The following SLC24A2 variants were observed in gnomAD, a reference collection of about 807,000 sequenced individuals.
SLC24A2 encodes sodium/potassium/calcium exchanger 2.
SLC24A2 carries 36 observed loss-of-function variants against 62.0 expected under a neutral mutation model. That is an observed-to-expected ratio of 0.58 (90% CI 0.44 to 0.77). SLC24A2 has a LOEUF of 0.77. SLC24A2 is among the 30% of genes least tolerant of loss of function. The pLI is 0.00. For missense variants in SLC24A2, 846 were observed against 817.9 expected (o/e 1.03, Z -0.42); for synonymous variants, 358 against 294.0 (o/e 1.22, Z -2.23).
the SLC24A2 span, among the ~76,000 whole-genome samples, chr9:20,112,920 T>A: frequency 6.6e-6 from 1 of 151,910 alleles, no homozygotes; most frequent in Non-Finnish European, 1.5e-5. Context: ...AACGTCAGAC[T>A]AACAATCATG....
At chr9:19,577,605 G>C (rs905343141) in intron 5 of SLC24A2, among the ~76,000 whole-genome samples, 9 of 152,194 alleles carry the variant, frequency 5.9e-5, no homozygotes, top group Middle Eastern at 3.4e-3. Context: ...TTCCAAATTA[G>C]CTGAGTCAGC....
rs1319236028 is a variant in SLC24A2, at chr9:19,509,203, T to A, written c.*6950A>T. ...GATTCCTGAAAAAAATCTACAATTTTAAAATAATTTCCATGTAGTATTAGA... is the reference window on the plus strand; with the variant it reads ...GATTCCTGAAAAAAATCTACAATTTAAAAATAATTTCCATGTAGTATTAGA... On this transcript the variant is annotated 3_prime_UTR_variant, in exon 11 of 11. Coordinates refer to ENST00000341998, the MANE Select transcript of SLC24A2 (RefSeq NM_020344.4). The A allele has an allele frequency of 2.0e-5, 3 of 152,210 alleles. No homozygotes were observed. Among genetic ancestry groups the A allele is most frequent in the South Asian group, 2.1e-4 (1 of 4,828 alleles). The allele number at this position is 152,210 out of a possible 1,614,324, so 9.4% of individuals were successfully genotyped here. A position where few individuals can be genotyped will look rare whatever the true frequency, so the allele number is the denominator to read the frequency against.
At chr9:19,628,498 C>G (rs760867447) in intron 2 of SLC24A2, among the ~76,000 whole-genome samples, 2 of 152,198 alleles carry the variant, frequency 1.3e-5, no homozygotes, top group Non-Finnish European at 2.9e-5. Flanking sequence ...CCTGCTATCT[C>G]TTGCCTTCCC....
At chr9:20,120,034 C>A in the SLC24A2 span, among the ~76,000 whole-genome samples, 1 of 152,114 alleles carries the variant, frequency 6.6e-6, no homozygotes, top group Non-Finnish European at 1.5e-5. Context: ...CCTGACTACT[C>A]CAGCTTCTAG....
At chr9:19,821,519 C>T in the SLC24A2 span, among the ~76,000 whole-genome samples, 2 of 152,044 alleles carry the variant, frequency 1.3e-5, no homozygotes, top group Non-Finnish European at 2.9e-5. Flanking sequence ...ACTCAGAATG[C>T]TCTGTTTGAT....
At chr9:20,078,931 A>G in the SLC24A2 span, among the ~76,000 whole-genome samples, 2 of 152,220 alleles carry the variant, frequency 1.3e-5, no homozygotes, top group Admixed American at 6.5e-5. Context: ...ATGTCTTAGA[A>G]CACTAGTAAC....
At chr9:19,593,224 C>CGAG (rs1274117288) in intron 5 of SLC24A2, among the ~76,000 whole-genome samples, 79 of 152,378 alleles carry the variant, frequency 5.2e-4, no homozygotes, top group Middle Eastern at 3.4e-3. Context: ...CTACTCATCT[C>CGAG]ATGCCTGTGT....
At chr9:20,153,416 G>A in the SLC24A2 span, among the ~76,000 whole-genome samples, 1 of 151,894 alleles carries the variant, frequency 6.6e-6, no homozygotes, top group Non-Finnish European at 1.5e-5. Context: ...CACCTGCTTT[G>A]AAGTCAAGTC....
the SLC24A2 span, among the ~76,000 whole-genome samples, chr9:20,142,726 G>C: frequency 3.9e-5 from 6 of 152,274 alleles, no homozygotes; most frequent in Non-Finnish European, 8.8e-5. Context: ...CTCCCAAGGA[G>C]CTGGGATGAC....
chr9:19,529,700 T>TG (rs1158933704), intron 8 of SLC24A2, among the ~76,000 whole-genome samples: 4 of 149,184 alleles, frequency 2.7e-5, no homozygotes, highest in South Asian at 2.1e-4. Flanking sequence ...TAATGGGTAA[T>TG]GGGGGAAATA....
the SLC24A2 span, among the ~76,000 whole-genome samples, chr9:20,190,436 G>A: frequency 6.6e-6 from 1 of 152,130 alleles, no homozygotes; most frequent in Admixed American, 6.5e-5. Context: ...ACATATAAAT[G>A]TCTAACCTAT....
chr9:19,827,760 A>G, the SLC24A2 span, among the ~76,000 whole-genome samples: 1 of 152,138 alleles, frequency 6.6e-6, no homozygotes, highest in South Asian at 2.1e-4. Context: ...TCCCCCAGAG[A>G]CACCTTTTCT....
At chr9:19,661,923 C>T (rs1465832377) in intron 2 of SLC24A2, among the ~76,000 whole-genome samples, 1 of 152,190 alleles carries the variant, frequency 6.6e-6, no homozygotes, top group Non-Finnish European at 1.5e-5. Context: ...TCCATCCAGA[C>T]CACCTAAATA....
chr9:20,149,367 A>G, the SLC24A2 span, among the ~76,000 whole-genome samples: 3 of 152,032 alleles, frequency 2.0e-5, no homozygotes, highest in Admixed American at 2.0e-4. Flanking sequence ...ATTAACCTGA[A>G]TTTGATAAAG....
chr9:19,714,950 G>T (rs1031356681), intron 2 of SLC24A2, among the ~76,000 whole-genome samples: 1 of 152,068 alleles, frequency 6.6e-6, no homozygotes, highest in Non-Finnish European at 1.5e-5. Context: ...ATGGAGAGAT[G>T]TAAGTCAAAT....
intron 2 of SLC24A2, among the ~76,000 whole-genome samples, chr9:19,707,393 C>A (rs1348659815): frequency 6.6e-6 from 1 of 152,198 alleles, no homozygotes; most frequent in African/African-American, 2.4e-5. Flanking sequence ...GGAATCCTCC[C>A]TAACTCATTT....
chr9:20,252,296 T>G, the SLC24A2 span, among the ~76,000 whole-genome samples: 3 of 152,244 alleles, frequency 2.0e-5, no homozygotes, highest in African/African-American at 7.2e-5. Context: ...AATTAATAGT[T>G]TGTATTGTAC....
chr9:20,034,451 GTTTTTTT>G, the SLC24A2 span, among the ~76,000 whole-genome samples: 4 of 83,190 alleles, frequency 4.8e-5, no homozygotes, highest in Admixed American at 3.2e-4. Flanking sequence ...GGCCTTTTAA[GTTTTTTT>G]TTTTTTTTTT....
Position 19,521,055 on chromosome 9 carries a change from T to C in SLC24A2, c.1575A>G (p.Gly525=). 6.2e-7 allele frequency: 1 copy of C among 1,613,990 alleles called. No individual in the cohort carries two copies. The highest frequency in any genetic ancestry group is 8.5e-7 in the Non-Finnish European group (1 of 1,179,906). Residue 525 remains glycine, a synonymous_variant, in exon 10 of 11, where the codon GGA becomes GGG. Transcript: ENST00000341998. ...YLMVWWAHQV[G]ETIGISEEIM... ...TCTCTTCACTGATGCCAATTGTCTC[T>C]CCAACCTAAATGTCAGGACAGGAAT...
Sources: gnomAD v4.1 joint callset for allele counts (sites outside exome capture counted in the v4.1 genomes callset) on GRCh38, gnomAD v4.1.1 for gene constraint, MANE v1.5 for transcripts, NCBI Gene and HGNC (gene_info 2026-07-23, HGNC 2026-07-21) for gene names.